LAMA2: variants seen among roughly 807,000 people sequenced by gnomAD.
LAMA2 encodes the protein laminin subunit alpha 2.
In LAMA2, 269 loss-of-function variants were observed where a neutral mutation model predicts 364.8. The ratio of observed to expected loss-of-function variants is 0.74; its 90% CI spans 0.67 to 0.82. The LOEUF (loss-of-function observed/expected upper bound fraction) is 0.82. LAMA2 is among the 40% of genes least tolerant of loss of function. The pLI is 0.00. For synonymous variants in LAMA2, 1,379 were observed against 1,370.6 expected (o/e 1.01, Z -0.14); for missense variants, 3,807 against 3,873.2 (o/e 0.98, Z 0.45).
chr6:129,264,034 G>A (rs1013253252), intron 15 of LAMA2, among the ~76,000 whole-genome samples: 8 of 152,096 alleles, frequency 5.3e-5, no homozygotes, highest in Non-Finnish European at 5.9e-5. Context: ...ATGGGCCAAC[G>A]CACCCAGCCT....
intron 12 of LAMA2, among the ~76,000 whole-genome samples, chr6:129,194,349 C>T (rs564377074): frequency 7.9e-5 from 12 of 152,182 alleles, no homozygotes; most frequent in African/African-American, 2.9e-4. Context: ...ATTTTCCATC[C>T]TTTCTTCTTT....
intron 49 of LAMA2, among the ~76,000 whole-genome samples, chr6:129,462,497 C>T (rs7755729): frequency 0.43 from 65,796 of 151,760 alleles, 14,415 homozygotes; most frequent in South Asian, 0.46. Context: ...TTTCTTATAC[C>T]CCTTGTCATC....
chr6:129,157,217 G>C (rs958338999), intron 8 of LAMA2, among the ~76,000 whole-genome samples: 1 of 152,104 alleles, frequency 6.6e-6, no homozygotes, highest in African/African-American at 2.4e-5. Flanking sequence ...TCAGTACCCA[G>C]AGCTTGACTG....
intron 3 of LAMA2, among the ~76,000 whole-genome samples, chr6:129,065,529 G>C (rs1264913804): frequency 3.3e-5 from 5 of 152,006 alleles, no homozygotes; most frequent in Non-Finnish European, 5.9e-5. Context: ...CAAAATAACT[G>C]TTAGAACTAA....
At chr6:129,492,241 T>C in intron 57 of LAMA2, 74 bp from the exon 58 acceptor site, 3 of 1,508,874 alleles carry the variant, frequency 2.0e-6, no homozygotes, top group East Asian at 2.3e-5. Flanking sequence ...TAAAAAGGCA[T>C]GCGGGGATTG....
At position 129,486,588 on chromosome 6, in the gene LAMA2, A is replaced by G; in HGVS notation, c.7864A>G (p.Arg2622Gly). 1 of 1,613,792 alleles carries G rather than the reference A, an allele frequency of 6.2e-7. No individual in the cohort carries two copies. The change falls in exon 56 of 65, where the codon AGA (arginine) becomes GGA (glycine). Residue 2622 changes from arginine (R) to glycine (G), a missense_variant. Arg to Gly is a moderately radical substitution (Grantham distance 125, BLOSUM62 -2). Around this residue, in one of 3 missense-constraint regions of LAMA2, gnomAD observed 3,333 missense variants for 3,345.7 expected, o/e 1.00. Coordinates refer to ENST00000421865, the MANE Select transcript of LAMA2 (RefSeq NM_000426.4). The stretch of plus-strand genomic sequence containing the variant: ...AGAGCCGAATCTGTTTCATGATGGA[A>G]GAGAACATTCCGTTCATGTAGAGCG... ...RPEPNLFHDG[R>G]EHSVHVERTR...
chr6:129,481,449 C>T lies in LAMA2; in HGVS notation c.7749+10C>T. On this transcript the variant is annotated intron_variant, in intron 55 of 64. Coordinates refer to ENST00000421865, the MANE Select transcript of LAMA2 (RefSeq NM_000426.4). ...AAGGCAGACTGGACAGGTACCCTCACACCTAGCTGATAATGCATTTTCCCT... is the reference window on the plus strand; with the variant it reads ...AAGGCAGACTGGACAGGTACCCTCATACCTAGCTGATAATGCATTTTCCCT... 6.2e-7 allele frequency: 1 copy of T among 1,608,344 alleles called. No homozygotes were observed. Among genetic ancestry groups the T allele is most frequent in the Non-Finnish European group, 8.5e-7 (1 of 1,174,742 alleles).
At chr6:129,493,600 C>T (rs1384242644) in intron 58 of LAMA2, among the ~76,000 whole-genome samples, 1 of 152,138 alleles carries the variant, frequency 6.6e-6, no homozygotes, top group African/African-American at 2.4e-5. Flanking sequence ...ATATACTGAA[C>T]GTTTAATAAA....
rs188460232 is a variant in LAMA2 at position 128,998,199 on chromosome 6, T to C, written c.113-51719T>C. Among the ~76,000 whole-genome samples the C allele has an allele frequency of 1.5e-4, 23 of 152,102 alleles. No homozygotes were observed. The East Asian group carries it at 4.1e-3, about 27-fold the overall frequency. Reference sequence around the variant, plus strand: ...ACATAAGGAGAGGTAGGAAGGAAGATGGCGAACCAGAAAGTAAGTCATTAA... The same window carrying C: ...ACATAAGGAGAGGTAGGAAGGAAGACGGCGAACCAGAAAGTAAGTCATTAA... On this transcript the variant is annotated intron_variant, in intron 1 of 64. Coordinates refer to ENST00000421865, the MANE Select transcript of LAMA2 (RefSeq NM_000426.4).
intron 40 of LAMA2, among the ~76,000 whole-genome samples, chr6:129,425,226 T>A: frequency 6.6e-6 from 1 of 152,014 alleles, no homozygotes; most frequent in East Asian, 1.9e-4. Flanking sequence ...ACTTATCCAA[T>A]TGTAAATTGG....
intron 9 of LAMA2, among the ~76,000 whole-genome samples, chr6:129,168,431 C>G (rs922635392): frequency 6.6e-6 from 1 of 152,128 alleles, no homozygotes; most frequent in Non-Finnish European, 1.5e-5. Context: ...AATCCTTTCC[C>G]CATTGCTTGT....
rs756929908 is a variant in LAMA2 at position 129,514,323 on chromosome 6, A to ATACT, written c.8989-48_8989-45dup. On this transcript the variant is annotated intron_variant, in intron 63 of 64. Coordinates refer to ENST00000421865, the MANE Select transcript of LAMA2 (RefSeq NM_000426.4). ...TCATTTGTATGTGTGAACCATCATG[A>ATACT]TACTTCTTTAATGAAACCATCTGTG... is the stretch of plus-strand genomic sequence containing the variant. The ATACT allele has an allele frequency of 3.1e-6, 4 of 1,279,414 alleles. No individual in the cohort carries two copies. The South Asian group carries it at 4.8e-5, about 15-fold the overall frequency. The allele number at this position is 1,279,414 out of a possible 1,614,324, so 79.3% of individuals were successfully genotyped here. A position where few individuals can be genotyped will look rare whatever the true frequency, so the allele number is the denominator to read the frequency against.
chr6:129,209,292 G>A (rs75339294), intron 12 of LAMA2, among the ~76,000 whole-genome samples: 4,934 of 152,246 alleles, frequency 0.032, 273 homozygotes, highest in African/African-American at 0.11. Flanking sequence ...CTCTTGATCC[G>A]AAACTCTTTT....
intron 2 of LAMA2, among the ~76,000 whole-genome samples, chr6:129,059,542 C>T (rs1017427757): frequency 4.6e-5 from 7 of 152,140 alleles, no homozygotes; most frequent in African/African-American, 1.7e-4. Context: ...GAGTGCTGAC[C>T]AGCTCATTCC....
At chr6:129,445,883 G>T in intron 45 of LAMA2, 62 bp downstream of exon 45, 3 of 1,477,886 alleles carry the variant, frequency 2.0e-6, no homozygotes, top group Non-Finnish European at 2.8e-6. Context: ...TTCATAGAGG[G>T]AATGTCTTTC....
At chr6:129,403,752 T>C (rs1780098729) in intron 39 of LAMA2, 69 bp from the exon 40 acceptor site, 1 of 1,451,644 alleles carries the variant, frequency 6.9e-7, no homozygotes, top group African/African-American at 1.4e-5. Flanking sequence ...AGATTTCATA[T>C]AATTAGGACG....
intron 9 of LAMA2, among the ~76,000 whole-genome samples, chr6:129,166,370 T>C (rs914684650): frequency 6.6e-6 from 1 of 152,204 alleles, no homozygotes; most frequent in Non-Finnish European, 1.5e-5. Flanking sequence ...GCTTCTTCTC[T>C]AGAAAGACTA....
In LAMA2 at chr6:129,419,478, C is replaced by T. The variant is rs552210348; in HGVS notation, c.5866-8274C>T. Among the ~76,000 whole-genome samples the T allele has an allele frequency of 4.6e-5, 7 of 152,246 alleles. No homozygotes were observed. In the South Asian group the frequency reaches 6.2e-4, roughly 14 times the overall value. On this transcript the variant is annotated intron_variant, in intron 40 of 64. Coordinates refer to ENST00000421865, the MANE Select transcript of LAMA2 (RefSeq NM_000426.4). ...ACTAAGACTCTTTGTGGTATGGGCCCACCCCACCTCTAGTAGCCAGCTGCT... is the reference window on the plus strand; with the variant it reads ...ACTAAGACTCTTTGTGGTATGGGCCTACCCCACCTCTAGTAGCCAGCTGCT...
At chr6:129,137,651 A>G (rs897912544) in intron 4 of LAMA2, among the ~76,000 whole-genome samples, 3 of 152,116 alleles carry the variant, frequency 2.0e-5, no homozygotes, top group Admixed American at 1.3e-4. Context: ...AATATATACA[A>G]ATTTTAAGTG....
Sources: gnomAD v4.1 joint callset for allele counts (sites outside exome capture counted in the v4.1 genomes callset) on GRCh38, gnomAD v4.1.1 for gene constraint, gnomAD v4.1.1 regional missense constraint, MANE v1.5 for transcripts, NCBI Gene and HGNC (gene_info 2026-07-23, HGNC 2026-07-21) for gene names.